The following SVIL variants were observed in gnomAD, a reference collection of about 807,000 sequenced individuals.
The protein encoded by SVIL is archvillin.
SVIL carries 101 observed loss-of-function variants against 240.4 expected under a neutral mutation model. The ratio of observed to expected loss-of-function variants is 0.42; its 90% confidence interval spans 0.36 to 0.50. The LOEUF (loss-of-function observed/expected upper bound fraction) is 0.50. SVIL is among the 20% of genes least tolerant of loss of function. SVIL has a pLI of 0.01. For missense variants in SVIL, 2,512 were observed against 2,818.7 expected (o/e 0.89, Z 2.46); for synonymous variants, 999 against 1,100.0 (o/e 0.91, Z 1.82).
chr10:29,702,460 C>T (rs1268411372), intron 1 of SVIL, among the ~76,000 whole-genome samples: 1 of 152,154 alleles, frequency 6.6e-6, no homozygotes. Context: ...AGAGCAGCCA[C>T]GGGCTCTGTG....
intron 1 of SVIL, among the ~76,000 whole-genome samples, chr10:29,732,783 G>C (rs992468750): frequency 6.6e-6 from 1 of 151,990 alleles, no homozygotes; most frequent in African/African-American, 2.4e-5. Context: ...CATTTCTTTA[G>C]TGCCATTGAT....
intron 17 of SVIL, among the ~76,000 whole-genome samples, chr10:29,499,503 G>C (rs1948713014): frequency 6.6e-6 from 1 of 152,138 alleles, no homozygotes; most frequent in Admixed American, 6.5e-5. Context: ...GTGACTTACT[G>C]GTTTGGGGCA....
chr10:29,487,546 G>A (rs992631113), intron 23 of SVIL: 3 of 451,952 alleles, frequency 6.6e-6, no homozygotes, highest in African/African-American at 3.9e-5. Context: ...TCAGTGTCAT[G>A]TGCGTGGGTT....
intron 3 of SVIL, among the ~76,000 whole-genome samples, chr10:29,644,512 G>A (rs1292041950): frequency 3.3e-5 from 5 of 151,990 alleles, no homozygotes; most frequent in Non-Finnish European, 7.4e-5. Context: ...CTATGCACTC[G>A]GCCAACCCAC....
intron 6 of SVIL, among the ~76,000 whole-genome samples, chr10:29,537,592 C>A (rs2132586207): frequency 6.6e-6 from 1 of 152,288 alleles, no homozygotes; most frequent in African/African-American, 2.4e-5. Context: ...CAATGTTTAC[C>A]AGCTCAAAAC....
intron 5 of SVIL, among the ~76,000 whole-genome samples, chr10:29,551,713 A>C (rs1953355926): frequency 6.6e-6 from 1 of 152,186 alleles, no homozygotes; most frequent in African/African-American, 2.4e-5. Context: ...CGGGGATCTG[A>C]GAGTAACCAT....
rs1956161779 is a variant in SVIL, at chr10:29,586,211, G to A, written c.-200-16899C>T. ...TGAAGAGAACAAAAAGGAGAGGGGA[G>A]GCTGGTTAATGCAATTTGAGGAGAG... is the stretch of plus-strand genomic sequence containing the variant. On this transcript the variant is annotated intron_variant, in intron 1 of 37. Transcript: ENST00000355867. Among the ~76,000 whole-genome samples, 6 of 152,332 alleles carry A rather than the reference G, an allele frequency of 3.9e-5. No homozygotes were observed. The South Asian group carries it at 1.2e-3, about 32-fold the overall frequency.
intron 1 of SVIL, among the ~76,000 whole-genome samples, chr10:29,615,333 A>G (rs1957392252): frequency 6.6e-6 from 1 of 152,236 alleles, no homozygotes; most frequent in African/African-American, 2.4e-5. Context: ...GTTTCTTAAC[A>G]TACAATGGTG....
rs1279251923 is a variant in SVIL at position 29,531,436 on chromosome 10, A to C, written c.2010-148T>G. On this transcript the variant is annotated intron_variant, in intron 9 of 37. Coordinates refer to ENST00000355867, the MANE Select transcript of SVIL (RefSeq NM_021738.3). ...TGGTAGCAATTCTAGTTGTGAAAAC[A>C]CACATACAGTTGTGAAGCAACACTG... is the stretch of plus-strand genomic sequence containing the variant. 3.8e-5 allele frequency: 30 copies of C among 789,536 alleles called. No homozygotes were observed. The Admixed American group carries it at 6.5e-4, about 17-fold the overall frequency. The allele number at this position is 789,536 out of a possible 1,614,324, so 48.9% of individuals were successfully genotyped here.
In SVIL at chr10:29,586,007, G is replaced by C. The variant is rs1956153669; in HGVS notation, c.-200-16695C>G. 2.0e-5 allele frequency among the ~76,000 whole-genome samples: 3 copies of C among 152,362 alleles called. No homozygotes were observed. The South Asian group carries it at 6.2e-4, about 32-fold the overall frequency. On this transcript the variant is annotated intron_variant, in intron 1 of 37. Coordinates refer to ENST00000355867, the MANE Select transcript of SVIL (RefSeq NM_021738.3). ...ATAACCCATAGAACCTGAGGCATCT[G>C]AACGAGCATTTCAGTGCAGGAAAGT...
At chr10:29,720,548 G>GA (rs1347750341) in intron 1 of SVIL, among the ~76,000 whole-genome samples, 1 of 152,038 alleles carries the variant, frequency 6.6e-6, no homozygotes, top group Non-Finnish European at 1.5e-5. Flanking sequence ...ATTTTAAGTA[G>GA]AAAAAATAAT....
chr10:29,597,087 G>A (rs1369945278), intron 1 of SVIL, among the ~76,000 whole-genome samples: 7 of 152,298 alleles, frequency 4.6e-5, no homozygotes, highest in Admixed American at 3.3e-4. Flanking sequence ...GGGAGAGACC[G>A]GCTCCTGAGG....
intron 3 of SVIL, among the ~76,000 whole-genome samples, chr10:29,560,611 C>T (rs766940183): frequency 2.0e-5 from 3 of 152,058 alleles, no homozygotes; most frequent in African/African-American, 7.2e-5. Context: ...CTTCCATAAA[C>T]TTCTCACACA....
chr10:29,499,357 T>A (rs1428480755), intron 17 of SVIL, 94 bp from the exon 18 acceptor site: 10 of 1,516,836 alleles, frequency 6.6e-6, no homozygotes, highest in Non-Finnish European at 8.1e-6. Flanking sequence ...AAAAGCAGGT[T>A]GACAAAGAGG....
chr10:29,669,116 G>A (rs985737721), intron 2 of SVIL, among the ~76,000 whole-genome samples: 1 of 152,182 alleles, frequency 6.6e-6, no homozygotes, highest in Admixed American at 6.5e-5. Context: ...TAAGAGCAGG[G>A]AAGGGGAAGT....
intron 1 of SVIL, among the ~76,000 whole-genome samples, chr10:29,592,275 G>A (rs1956420686): frequency 6.6e-6 from 1 of 152,118 alleles, no homozygotes. Context: ...AAGAAAAAAG[G>A]GGATTTCTCT....
At chr10:29,734,830 C>A (rs1964804669) in intron 1 of SVIL, among the ~76,000 whole-genome samples, 1 of 152,138 alleles carries the variant, frequency 6.6e-6, no homozygotes, top group Admixed American at 6.5e-5. Context: ...AAAACGCGTG[C>A]CTGTGCTAGG....
chr10:29,538,354 G>A (rs1951883998), intron 6 of SVIL, among the ~76,000 whole-genome samples: 1 of 152,208 alleles, frequency 6.6e-6, no homozygotes, highest in Admixed American at 6.5e-5. Context: ...TATTACACCT[G>A]AAATATGAAA....
intron 17 of SVIL, among the ~76,000 whole-genome samples, chr10:29,510,478 A>G (rs1198834826): frequency 2.7e-5 from 4 of 149,558 alleles, no homozygotes; most frequent in African/African-American, 9.9e-5. Flanking sequence ...CCTCTTCTAC[A>G]TTTCCACAGA....
Sources: gnomAD v4.1 joint callset for allele counts (sites outside exome capture counted in the v4.1 genomes callset) on GRCh38, gnomAD v4.1.1 for gene constraint, MANE v1.5 for transcripts, NCBI Gene and HGNC (gene_info 2026-07-23, HGNC 2026-07-21) for gene names.